The following MSI2 variants were observed in gnomAD, a reference collection of about 807,000 sequenced individuals.
MSI2 encodes RNA-binding protein Musashi homolog 2.
In MSI2, 17 loss-of-function variants were observed where a neutral mutation model predicts 45.6. That is an observed-to-expected ratio of 0.37 (90% CI 0.26 to 0.56). The LOEUF is 0.56. Among genes scored for constraint, MSI2 ranks in the 20% least tolerant of loss-of-function variants. The probability of loss-of-function intolerance (pLI) is 0.77; values close to 1 mark genes in which losing one functional copy is unlikely to be tolerated. For missense variants in MSI2, 293 were observed against 444.2 expected (o/e 0.66, Z 3.06); for synonymous variants, 156 against 158.2 (o/e 0.99, Z 0.11).
intron 5 of MSI2, among the ~76,000 whole-genome samples, chr17:57,348,158 A>G (rs568008231): frequency 6.6e-6 from 1 of 152,106 alleles, no homozygotes; most frequent in Admixed American, 6.5e-5. Context: ...GCACCTTCCT[A>G]GTGGTACAAG....
At chr17:57,445,551 TG>T (rs56827837) in intron 6 of MSI2, among the ~76,000 whole-genome samples, 136,950 of 149,742 alleles carry the variant, frequency 0.91, 62,963 homozygotes, top group Non-Finnish European at 0.97. Flanking sequence ...GACAGGGCGG[TG>T]GGGGGGGGTG....
At chr17:57,309,879 T>A (rs74576342) in intron 5 of MSI2, among the ~76,000 whole-genome samples, 2,662 of 152,216 alleles carry the variant, frequency 0.017, 90 homozygotes, top group African/African-American at 0.061. Context: ...ATCAATAGAT[T>A]CAGAAGCAGC....
downstream of MSI2, among the ~76,000 whole-genome samples, chr17:57,689,416 A>G (rs1913941294): frequency 1.3e-5 from 2 of 152,214 alleles, no homozygotes; most frequent in South Asian, 2.1e-4. Context: ...AGGAAGCTGC[A>G]GGGACAGTGA....
In MSI2 at chr17:57,257,093, T is replaced by C. The variant is rs1178230796; in HGVS notation, c.63-5T>C. 6.6e-7 allele frequency: 1 copy of C among 1,524,454 alleles called. No individual in the cohort carries two copies. Among genetic ancestry groups the C allele is most frequent in the African/African-American group, 1.4e-5 (1 of 69,216 alleles). 94.4% of individuals were successfully genotyped at this position (1,524,454 alleles called of 1,614,324 possible). On this transcript the variant is annotated splice_region_variant and splice_polypyrimidine_tract_variant and intron_variant, in intron 1 of 13. Coordinates refer to ENST00000284073, the MANE Select transcript of MSI2 (RefSeq NM_138962.4). ...GCTCACTTCTGTTATGTTTTCTCCCTCTAGTAAAATGTTTATCGGTGGACT... is the reference window on the plus strand; with the variant it reads ...GCTCACTTCTGTTATGTTTTCTCCCCCTAGTAAAATGTTTATCGGTGGACT...
chr17:57,554,225 T>G (rs2087375684), intron 7 of MSI2, among the ~76,000 whole-genome samples: 1 of 148,542 alleles, frequency 6.7e-6, no homozygotes, highest in African/African-American at 2.5e-5. Context: ...GGATCAAGAG[T>G]TTGGGGCGGG....
chr17:57,256,624 G>T lies in MSI2; in HGVS notation c.-119G>T, dbSNP rs1384097647. On this transcript the variant is annotated 5_prime_UTR_variant, in exon 1 of 14. Coordinates refer to ENST00000284073, the MANE Select transcript of MSI2 (RefSeq NM_138962.4). ...AGAGAGATTCGGAGGAGCCCGGGCGGGGGGGAGGAGGAGGGGGAGGAGGGA... is the reference window on the plus strand; with the variant it reads ...AGAGAGATTCGGAGGAGCCCGGGCGTGGGGGAGGAGGAGGGGGAGGAGGGA... 3.1e-5 allele frequency: 14 copies of T among 457,262 alleles called. No individual in the cohort carries two copies. The highest frequency in any genetic ancestry group is 8.7e-5 in the Admixed American group (2 of 22,920). 28.3% of individuals were successfully genotyped at this position (457,262 alleles called of 1,614,324 possible).
chr17:57,366,211 C>T lies in MSI2; in HGVS notation c.313-35168C>T, dbSNP rs142821623. On this transcript the variant is annotated intron_variant, in intron 5 of 13. Coordinates refer to ENST00000284073, the MANE Select transcript of MSI2 (RefSeq NM_138962.4). Reference sequence around the variant, plus strand: ...TACAAGCATGAGCCACCATGCCCAGCGTTGGCTATTATTATCCCAACTTTT... The same window carrying T: ...TACAAGCATGAGCCACCATGCCCAGTGTTGGCTATTATTATCCCAACTTTT... 2.6e-4 allele frequency among the ~76,000 whole-genome samples: 40 copies of T among 152,316 alleles called. 1 individual carries two copies. The East Asian group carries it at 6.8e-3, about 26-fold the overall frequency.
intron 5 of MSI2, among the ~76,000 whole-genome samples, chr17:57,281,016 G>A (rs2143375204): frequency 6.6e-6 from 1 of 152,264 alleles, no homozygotes; most frequent in South Asian, 2.1e-4. Context: ...AGGAGGAGGT[G>A]CTCTTGCAGT....
intron 10 of MSI2, among the ~76,000 whole-genome samples, chr17:57,637,357 A>G (rs1382906200): frequency 6.6e-6 from 1 of 152,226 alleles, no homozygotes; most frequent in Non-Finnish European, 1.5e-5. Flanking sequence ...CTCGGCGTGG[A>G]AAATCAGGAG....
rs553109531 is a variant in MSI2 at position 57,634,403 on chromosome 17, T to A, written c.727+7100T>A. 7.3e-5 allele frequency among the ~76,000 whole-genome samples: 11 copies of A among 151,646 alleles called. No individual in the cohort carries two copies. The South Asian group carries it at 2.3e-3, about 32-fold the overall frequency. On this transcript the variant is annotated intron_variant, in intron 10 of 13. Coordinates refer to ENST00000284073, the MANE Select transcript of MSI2 (RefSeq NM_138962.4). The stretch of plus-strand genomic sequence containing the variant: ...ATCGCTTGAGCCTGGGAGGCGGAGG[T>A]TGCAGTGAGCTGAGATCACGCGGTT...
chr17:57,293,587 GTTTTTTTGTTTTT>G (rs1313115662), intron 5 of MSI2, among the ~76,000 whole-genome samples: 2 of 65,374 alleles, frequency 3.1e-5, no homozygotes, highest in African/African-American at 6.9e-5. Context: ...GTGCTTTATT[GTTTTTTTGTTTTT>G]TTTTTTGTTT....
At chr17:57,653,021 C>A (rs977567475) in intron 11 of MSI2, among the ~76,000 whole-genome samples, 2 of 152,196 alleles carry the variant, frequency 1.3e-5, no homozygotes, top group African/African-American at 4.8e-5. Flanking sequence ...AGCTCTGTCC[C>A]CCCACGCCCC....
rs1567963947 is a variant in MSI2 at position 57,658,311 on chromosome 17, C to T, written c.790+6150C>T. 2.0e-5 allele frequency among the ~76,000 whole-genome samples: 3 copies of T among 152,360 alleles called. No individual in the cohort carries two copies. In the East Asian group the frequency reaches 5.8e-4, roughly 29 times the overall value. On this transcript the variant is annotated intron_variant, in intron 11 of 13. Transcript: ENST00000284073. ...TCTGACCCACTAGGGCCAGCCACCACAACCAGACTTACCAAAGGATCTTAC... is the reference window on the plus strand; with the variant it reads ...TCTGACCCACTAGGGCCAGCCACCATAACCAGACTTACCAAAGGATCTTAC...
rs560977655 is a variant in MSI2 at position 57,374,267 on chromosome 17, A to T, written c.313-27112A>T. The stretch of plus-strand genomic sequence containing the variant: ...TTGCATTTTTGCAACCCTAGGCATA[A>T]GTGGTATGTGGTAGTTTATACTTAA... On this transcript the variant is annotated intron_variant, in intron 5 of 13. Transcript: ENST00000284073. 2.6e-5 allele frequency among the ~76,000 whole-genome samples: 4 copies of T among 152,332 alleles called. No homozygotes were observed. The South Asian group carries it at 8.3e-4, about 32-fold the overall frequency.
chr17:57,651,696 G>A (rs1245610562), intron 10 of MSI2, among the ~76,000 whole-genome samples: 1 of 152,218 alleles, frequency 6.6e-6, no homozygotes, highest in Non-Finnish European at 1.5e-5. Context: ...TGACCACTCC[G>A]CCATGATCTC....
chr17:57,264,975 C>T (rs974564342), intron 5 of MSI2: 2 of 152,190 alleles, frequency 1.3e-5, no homozygotes, highest in African/African-American at 2.4e-5. Flanking sequence ...TTGATCTGAC[C>T]CCTCAGGCCA....
chr17:57,546,583 G>C (rs2087172653), intron 7 of MSI2, among the ~76,000 whole-genome samples: 1 of 152,186 alleles, frequency 6.6e-6, no homozygotes. Context: ...CCCTTGGAAG[G>C]CTGTGTGGCA....
intron 5 of MSI2, among the ~76,000 whole-genome samples, chr17:57,325,499 G>A (rs564333256): frequency 7.2e-5 from 11 of 152,324 alleles, no homozygotes; most frequent in Admixed American, 3.9e-4. Context: ...TCTAAAAAAG[G>A]GACGTGTTTG....
chr17:57,392,922 T>C (rs1249113962), intron 5 of MSI2, among the ~76,000 whole-genome samples: 1 of 152,182 alleles, frequency 6.6e-6, no homozygotes, highest in Non-Finnish European at 1.5e-5. Context: ...AATTCACTCA[T>C]TTAAAATGGT....
Sources: gnomAD v4.1 joint callset for allele counts (sites outside exome capture counted in the v4.1 genomes callset) on GRCh38, gnomAD v4.1.1 for gene constraint, MANE v1.5 for transcripts, NCBI Gene and HGNC (gene_info 2026-07-23, HGNC 2026-07-21) for gene names.